DCPS: variants seen among roughly 807,000 people sequenced by gnomAD.
The protein encoded by DCPS is decapping enzyme, scavenger, also known as m7GpppX diphosphatase.
DCPS carries 27 observed loss-of-function variants against 34.7 expected under a neutral mutation model. That is an observed-to-expected ratio of 0.78 (90% CI 0.57 to 1.07). The LOEUF is 1.07. Among genes scored for constraint, DCPS ranks in the 50% least tolerant of loss-of-function variants. DCPS has a pLI of 0.00. For missense variants in DCPS, 464 were observed against 436.9 expected, an observed-to-expected ratio of 1.06 and a Z score of -0.55; for synonymous variants, 185 against 185.7, an observed-to-expected ratio of 1.00 and a Z score of 0.03.
At chr11:126,330,659 A>G (rs4937121) in intron 2 of DCPS, among the ~76,000 whole-genome samples, 33,921 of 135,576 alleles carry the variant, frequency 0.25, 4,237 homozygotes, top group Admixed American at 0.28. Context: ...TGCACTGCCC[A>G]TCATTAAGGG....
Position 126,346,335 on chromosome 11 carries a change from A to G in DCPS, c.*722A>G, listed in dbSNP as rs541098653. ...AACAGACTCACATGAAGCAGCCAGAAGATCAAGTGCAAAACAGTGAATCAG... is the reference window on the plus strand; with the variant it reads ...AACAGACTCACATGAAGCAGCCAGAGGATCAAGTGCAAAACAGTGAATCAG... On this transcript the variant is annotated 3_prime_UTR_variant, in exon 6 of 6. Transcript: ENST00000263579. The surrounding 1 kb of genome is among the most constrained non-coding windows in gnomAD (Gnocchi z 4.1). Among the ~76,000 whole-genome samples the G allele has an allele frequency of 6.6e-6, 1 of 152,342 alleles. No individual in the cohort carries two copies. Among genetic ancestry groups the G allele is most frequent in the South Asian group, 2.1e-4 (1 of 4,826 alleles).
intron 2 of DCPS, among the ~76,000 whole-genome samples, chr11:126,308,712 C>T (rs1039632566): frequency 5.3e-5 from 8 of 152,268 alleles, no homozygotes; most frequent in Admixed American, 3.3e-4. Context: ...CCTCACCTTC[C>T]GAAATCCCTC....
rs1330646422 is a variant in DCPS, at chr11:126,331,138, G to A, written c.377-267G>A. Among the ~76,000 whole-genome samples, 1 of 152,184 alleles carries A rather than the reference G, an allele frequency of 6.6e-6. No individual in the cohort carries two copies. The highest frequency in any genetic ancestry group is 2.4e-5 in the African/African-American group (1 of 41,452). ...CTCATTCCTGTGCCTGGAAGATGGA[G>A]CAGGAAGGGCTGGGGTTTGCCTGAT... On this transcript the variant is annotated intron_variant, in intron 2 of 5. Transcript: ENST00000263579. The surrounding 1 kb of genome is among the most constrained non-coding windows in gnomAD (Gnocchi z 7.2).
chr11:126,309,951 A>C (rs1210141217), intron 2 of DCPS, among the ~76,000 whole-genome samples: 1 of 152,114 alleles, frequency 6.6e-6, no homozygotes, highest in African/African-American at 2.4e-5. Context: ...TGTGAAAATG[A>C]AAATATCACT....
chr11:126,324,980 C>T lies in DCPS; in HGVS notation c.377-6425C>T, dbSNP rs1314358424. Among the ~76,000 whole-genome samples, 4 of 152,104 alleles carry T rather than the reference C, an allele frequency of 2.6e-5. No homozygotes were observed. In the South Asian group the frequency reaches 6.2e-4, roughly 24 times the overall value. On this transcript the variant is annotated intron_variant, in intron 2 of 5. Coordinates refer to ENST00000263579, the MANE Select transcript of DCPS (RefSeq NM_014026.6). ...GGTGGATCACCTGAGGTCAGGAGTT[C>T]GAGACCAGCCTGACTAACATGGTGA...
chr11:126,339,175 C>A (rs1951857909), intron 4 of DCPS, among the ~76,000 whole-genome samples: 1 of 152,246 alleles, frequency 6.6e-6, no homozygotes, highest in Non-Finnish European at 1.5e-5. Context: ...TGTGCTCAGC[C>A]TGCAACAGAA....
At chr11:126,310,127 G>A (rs1169986595) in intron 2 of DCPS, among the ~76,000 whole-genome samples, 1 of 152,146 alleles carries the variant, frequency 6.6e-6, no homozygotes, top group Non-Finnish European at 1.5e-5. Context: ...CAGAATCACT[G>A]GAGTCTGCAT....
At position 126,319,635 on chromosome 11, in the gene DCPS, C is replaced by G. The variant is rs570366305; in HGVS notation, c.377-11770C>G. 2.6e-5 allele frequency among the ~76,000 whole-genome samples: 4 copies of G among 152,278 alleles called. No individual in the cohort carries two copies. Among genetic ancestry groups the G allele is most frequent in the East Asian group, 1.9e-4 (1 of 5,182 alleles). ...ACTTGCTCTGGCACCTCATTTTGCC[C>G]TCTGGTTTCGCTGACAGCTGTTTAC... is the stretch of plus-strand genomic sequence containing the variant. On this transcript the variant is annotated intron_variant, in intron 2 of 5. Transcript: ENST00000263579. This position sits in a 1 kb window ranked among gnomAD's most constrained non-coding sequence, Gnocchi z 4.5.
Position 126,322,740 on chromosome 11 carries a change from G to A in DCPS, c.377-8665G>A, listed in dbSNP as rs981941263. Among the ~76,000 whole-genome samples, 2 of 151,904 alleles carry A rather than the reference G, an allele frequency of 1.3e-5. No individual in the cohort carries two copies. The highest frequency in any genetic ancestry group is 2.4e-5 in the African/African-American group (1 of 41,342). The stretch of plus-strand genomic sequence containing the variant: ...CCTGAGTAGCTGGGACTACAGGCGC[G>A]TGCCATCACGCCCAGCTAATTTTTT... On this transcript the variant is annotated intron_variant, in intron 2 of 5. Coordinates refer to ENST00000263579, the MANE Select transcript of DCPS (RefSeq NM_014026.6). The surrounding 1 kb of genome is among the most constrained non-coding windows in gnomAD (Gnocchi z 4.2).
In DCPS at chr11:126,322,596, C is replaced by CA. The variant is rs1951716164; in HGVS notation, c.377-8809_377-8808insA. Among the ~76,000 whole-genome samples the CA allele has an allele frequency of 7.3e-6, 1 of 137,914 alleles. No homozygotes were observed. Among genetic ancestry groups the CA allele is most frequent in the Admixed American group, 7.3e-5 (1 of 13,606 alleles). 90.5% of individuals were successfully genotyped at this position (137,914 alleles called of 152,430 possible). A position where few individuals can be genotyped will look rare whatever the true frequency, so the allele number is the denominator to read the frequency against. On this transcript the variant is annotated intron_variant, in intron 2 of 5. Coordinates refer to ENST00000263579, the MANE Select transcript of DCPS (RefSeq NM_014026.6). This position sits in a 1 kb window ranked among gnomAD's most constrained non-coding sequence, Gnocchi z 4.2. ...AGATTTTCTTTCTATCCTAAAATTC[C>CA]TTTTTTTTTTTTTTTGAGACGAAGT...
intron 2 of DCPS, among the ~76,000 whole-genome samples, chr11:126,324,494 C>T (rs890707758): frequency 6.6e-6 from 1 of 151,612 alleles, no homozygotes; most frequent in Non-Finnish European, 1.5e-5. Flanking sequence ...TCACTCTGTC[C>T]CCTAGGCTGG....
rs1007184961 is a variant in DCPS, at chr11:126,335,232, G to A, written c.523-3054G>A. 1.3e-5 allele frequency among the ~76,000 whole-genome samples: 2 copies of A among 152,234 alleles called. No homozygotes were observed. The highest frequency in any genetic ancestry group is 2.9e-5 in the Non-Finnish European group (2 of 68,042). On this transcript the variant is annotated intron_variant, in intron 3 of 5. Transcript: ENST00000263579. This position sits in a 1 kb window ranked among gnomAD's most constrained non-coding sequence, Gnocchi z 4.8. The stretch of plus-strand genomic sequence containing the variant: ...ATGAGGAAGGAGCAAGATGTCTCAC[G>A]GGAGGTCAAGGCGGGAGAGAGGGTA...
chr11:126,317,884 G>T (rs1055744529), intron 2 of DCPS, among the ~76,000 whole-genome samples: 4 of 152,164 alleles, frequency 2.6e-5, no homozygotes, highest in African/African-American at 4.8e-5. Context: ...ACGGAGCTTT[G>T]CAGAGTGCCA....
At position 126,313,045 on chromosome 11, in the gene DCPS, G is replaced by T. The variant is rs1449222195; in HGVS notation, c.376+6301G>T. Among the ~76,000 whole-genome samples, 2 of 152,132 alleles carry T rather than the reference G, an allele frequency of 1.3e-5. No individual in the cohort carries two copies. The highest frequency in any genetic ancestry group is 2.4e-5 in the African/African-American group (1 of 41,422). ...GCCTGTCAATGGAGCCCTTTATTGC[G>T]GTCTGTTCTCCTTTACCTGGGGAAG... On this transcript the variant is annotated intron_variant, in intron 2 of 5. Coordinates refer to ENST00000263579, the MANE Select transcript of DCPS (RefSeq NM_014026.6). The surrounding 1 kb of genome is among the most constrained non-coding windows in gnomAD (Gnocchi z 4.9).
Position 126,345,565 on chromosome 11 carries a change from G to T in DCPS, c.966G>T (p.Arg322Ser). The T allele has an allele frequency of 6.2e-7, 1 of 1,613,838 alleles. No homozygotes were observed. The highest frequency in any genetic ancestry group is 1.1e-5 in the South Asian group (1 of 91,084). The change falls in exon 6 of 6, where the codon AGG becomes AGT. Residue 322 changes from arginine (R) to serine (S), a missense_variant. Coordinates refer to ENST00000263579, the MANE Select transcript of DCPS (RefSeq NM_014026.6). The surrounding 1 kb of genome is among the most constrained non-coding windows in gnomAD (Gnocchi z 7.4). ...AGCGCACGCTCACCTTCGCCCTCAGGGCTGACGACCCCCTGCTCAAGCTCT... is the reference window on the plus strand; with the variant it reads ...AGCGCACGCTCACCTTCGCCCTCAGTGCTGACGACCCCCTGCTCAAGCTCT... ...YQQRTLTFAL[R>S]ADDPLLKLLQ...
rs996420834 is a variant in DCPS, at chr11:126,322,571, A to C, written c.377-8834A>C. On this transcript the variant is annotated intron_variant, in intron 2 of 5. Transcript: ENST00000263579. This position sits in a 1 kb window ranked among gnomAD's most constrained non-coding sequence, Gnocchi z 4.2. The stretch of plus-strand genomic sequence containing the variant: ...TAGCCACTATGCCCAGCCAGCATTC[A>C]GATTTTCTTTCTATCCTAAAATTCC... Among the ~76,000 whole-genome samples, 18 of 150,360 alleles carry C rather than the reference A, an allele frequency of 1.2e-4. No individual in the cohort carries two copies.
At position 126,312,060 on chromosome 11, in the gene DCPS, A is replaced by G. The variant is rs956128631; in HGVS notation, c.376+5316A>G. On this transcript the variant is annotated intron_variant, in intron 2 of 5. Coordinates refer to ENST00000263579, the MANE Select transcript of DCPS (RefSeq NM_014026.6). The surrounding 1 kb of genome is among the most constrained non-coding windows in gnomAD (Gnocchi z 5.1). ...ATTCTCCAGCCTCAGCCTCCCGAGT[A>G]GCTGGGATTACAGGCATCCTCCACC... Among the ~76,000 whole-genome samples the G allele has an allele frequency of 1.3e-5, 2 of 152,060 alleles. No homozygotes were observed. The highest frequency in any genetic ancestry group is 2.9e-5 in the Non-Finnish European group (2 of 68,024).
At chr11:126,324,794 C>T (rs1007741789) in intron 2 of DCPS, among the ~76,000 whole-genome samples, 1 of 151,908 alleles carries the variant, frequency 6.6e-6, no homozygotes, top group African/African-American at 2.4e-5. Context: ...GAGTTTAACA[C>T]ATAAGAGGAG....
In DCPS at chr11:126,334,038, A is replaced by C. The variant is rs774556218; in HGVS notation, c.522+2488A>C. 1.3e-5 allele frequency among the ~76,000 whole-genome samples: 2 copies of C among 152,172 alleles called. No homozygotes were observed. The highest frequency in any genetic ancestry group is 2.4e-5 in the African/African-American group (1 of 41,440). The stretch of plus-strand genomic sequence containing the variant: ...TGAGCATAGAACAGGAAGACTGGGA[A>C]AAACCAGTATGGGTCTGAACCAAGG... On this transcript the variant is annotated intron_variant, in intron 3 of 5. Transcript: ENST00000263579. The surrounding 1 kb of genome is among the most constrained non-coding windows in gnomAD (Gnocchi z 5.5).
Sources: gnomAD v4.1 joint callset for allele counts (sites outside exome capture counted in the v4.1 genomes callset) on GRCh38, gnomAD v4.1.1 for gene constraint, Gnocchi (gnomAD v3.1) non-coding constraint, MANE v1.5 for transcripts, NCBI Gene and HGNC (gene_info 2026-07-23, HGNC 2026-07-21) for gene names.